NAALADL2: variants seen among roughly 807,000 people sequenced by gnomAD.
NAALADL2 encodes the protein inactive N-acetylated-alpha-linked acidic dipeptidase-like protein 2.
A neutral mutation model predicts 87.2 loss-of-function variants in NAALADL2; 76 were observed. The ratio of observed to expected loss-of-function variants is 0.87; its 90% confidence interval spans 0.72 to 1.05. The LOEUF (loss-of-function observed/expected upper bound fraction) is 1.05. NAALADL2 is among the 50% of genes least tolerant of loss of function. The pLI is 0.00. For synonymous variants in NAALADL2, 354 were observed against 331.0 expected, an observed-to-expected ratio of 1.07 and a Z score of -0.75; for missense variants, 1,089 against 945.8, an observed-to-expected ratio of 1.15 and a Z score of -1.99.
At chr3:174,946,540 A>G (rs1180313374) in intron 1 of NAALADL2, among the ~76,000 whole-genome samples, 1 of 152,176 alleles carries the variant, frequency 6.6e-6, no homozygotes, top group Non-Finnish European at 1.5e-5. Flanking sequence ...GTCACTTAGA[A>G]CAGTGCATGT....
rs564947071 is a variant in NAALADL2, at chr3:175,184,759, C to T, written c.546-49172C>T. On this transcript the variant is annotated intron_variant, in intron 2 of 13. Transcript: ENST00000454872. Reference sequence around the variant, plus strand: ...TAGTTTGAATACTGACTGGCATTTACTAGCTATATTCCCTTAGGCAAGTTA... The same window carrying T: ...TAGTTTGAATACTGACTGGCATTTATTAGCTATATTCCCTTAGGCAAGTTA... Among the ~76,000 whole-genome samples the T allele has an allele frequency of 2.6e-5, 4 of 152,162 alleles. No individual in the cohort carries two copies. In the South Asian group the frequency reaches 8.3e-4, roughly 32 times the overall value.
chr3:174,560,512 A>T (rs1052586902), intron 2 of NAALADL2, among the ~76,000 whole-genome samples: 1 of 152,206 alleles, frequency 6.6e-6, no homozygotes, highest in East Asian at 1.9e-4. Context: ...ATCTTCAGTG[A>T]CTGGAATACA....
In NAALADL2 at chr3:174,466,753, C is replaced by A. The variant is rs930649769; in HGVS notation, c.-184+25721C>A. On this transcript the variant is annotated intron_variant, in intron 1 of 3. Coordinates refer to the NAALADL2 transcript ENST00000434257. ...CTCCTGCCCCATATGAGGACTTTCT[C>A]TTCATTATCAACCTTAACAAACTTC... Among the ~76,000 whole-genome samples the A allele has an allele frequency of 3.3e-5, 5 of 152,140 alleles. No individual in the cohort carries two copies. In the East Asian group the frequency reaches 9.6e-4, roughly 29 times the overall value.
chr3:174,678,347 GT>G (rs1727232206), intron 2 of NAALADL2, among the ~76,000 whole-genome samples: 1 of 152,110 alleles, frequency 6.6e-6, no homozygotes, highest in Non-Finnish European at 1.5e-5. Context: ...AGGTACAACA[GT>G]TATCTAAGGT....
chr3:174,542,217 A>AT (rs926723889), intron 1 of NAALADL2, among the ~76,000 whole-genome samples: 3 of 152,094 alleles, frequency 2.0e-5, no homozygotes, highest in African/African-American at 7.2e-5. Flanking sequence ...TGTTTTCTTC[A>AT]TTTTATCCTG....
intron 1 of NAALADL2, among the ~76,000 whole-genome samples, chr3:174,882,889 A>G (rs947005061): frequency 6.7e-5 from 10 of 149,874 alleles, no homozygotes; most frequent in African/African-American, 2.0e-4. Flanking sequence ...ATGTGTATAT[A>G]TGTATATATA....
At chr3:175,739,008 A>G (rs1009811261) in intron 12 of NAALADL2, among the ~76,000 whole-genome samples, 9 of 152,144 alleles carry the variant, frequency 5.9e-5, no homozygotes, top group African/African-American at 1.9e-4. Flanking sequence ...AGAAAATTCT[A>G]TTGGTATTCC....
At chr3:174,697,647 A>T (rs1216530671) in intron 2 of NAALADL2, among the ~76,000 whole-genome samples, 1 of 152,168 alleles carries the variant, frequency 6.6e-6, no homozygotes, top group Non-Finnish European at 1.5e-5. Flanking sequence ...AGTGTTTATC[A>T]TTTTTAAATT....
chr3:174,950,726 C>T (rs1049803097), intron 1 of NAALADL2, among the ~76,000 whole-genome samples: 1 of 151,986 alleles, frequency 6.6e-6, no homozygotes, highest in South Asian at 2.1e-4. Flanking sequence ...CTATAAAAGG[C>T]TAGTCAAACA....
At chr3:174,884,874 C>G (rs765981522) in intron 1 of NAALADL2, among the ~76,000 whole-genome samples, 4 of 152,188 alleles carry the variant, frequency 2.6e-5, no homozygotes, top group African/African-American at 4.8e-5. Flanking sequence ...TAGTATAGGT[C>G]TAGAGGTAAA....
At chr3:175,400,827 G>A (rs138761803) in intron 5 of NAALADL2, among the ~76,000 whole-genome samples, 38 of 152,158 alleles carry the variant, frequency 2.5e-4, no homozygotes, top group African/African-American at 8.9e-4. Context: ...CCTAGACAAA[G>A]CCTTAGAATG....
At chr3:174,994,253 A>G (rs577788685) in intron 1 of NAALADL2, among the ~76,000 whole-genome samples, 1 of 152,270 alleles carries the variant, frequency 6.6e-6, no homozygotes, top group South Asian at 2.1e-4. Context: ...TGATATTTGT[A>G]AAGACTTGAT....
intron 3 of NAALADL2, among the ~76,000 whole-genome samples, chr3:174,743,669 T>A (rs74818573): frequency 0.074 from 11,242 of 151,880 alleles, 454 homozygotes; most frequent in Middle Eastern, 0.14. Context: ...TTATCCTCAA[T>A]GTATTTCCAA....
At chr3:174,509,072 T>C (rs1215353804) in intron 1 of NAALADL2, among the ~76,000 whole-genome samples, 2 of 151,882 alleles carry the variant, frequency 1.3e-5, no homozygotes, top group East Asian at 3.9e-4. Flanking sequence ...CCTGAAAATA[T>C]ATTTTTTTCC....
At chr3:175,043,472 T>G (rs1398888406) in intron 1 of NAALADL2, among the ~76,000 whole-genome samples, 1 of 152,106 alleles carries the variant, frequency 6.6e-6, no homozygotes, top group Non-Finnish European at 1.5e-5. Context: ...CTCCTGACCT[T>G]GTGATCTGCC....
chr3:175,392,303 A>C (rs115349653), intron 5 of NAALADL2, among the ~76,000 whole-genome samples: 1,535 of 152,328 alleles, frequency 0.01, 24 homozygotes, highest in African/African-American at 0.035. Context: ...TGTGGTCTAC[A>C]AATTTTTTTT....
At chr3:175,782,468 AT>A (rs1751273451) in intron 13 of NAALADL2, among the ~76,000 whole-genome samples, 1 of 113,486 alleles carries the variant, frequency 8.8e-6, no homozygotes, top group African/African-American at 3.9e-5. Flanking sequence ...GATGATGAGC[AT>A]TTTTTCATGT....
In NAALADL2 at chr3:174,820,451, T is replaced by C. The variant is rs143884705; in HGVS notation, c.-9+82705T>C. ...AAAATATAATTTATCAGAATTTCTA[T>C]GTTTATAGTATATACAATTGTAGTG... is the stretch of plus-strand genomic sequence containing the variant. On this transcript the variant is annotated intron_variant, in intron 3 of 3. Transcript: ENST00000434257. Among the ~76,000 whole-genome samples the C allele has an allele frequency of 1.2e-3, 177 of 152,336 alleles. 1 individual carries two copies. Among genetic ancestry groups the C allele is most frequent in the African/African-American group, 4.1e-3 (170 of 41,584 alleles).
chr3:175,005,995 G>A (rs1748966949), intron 1 of NAALADL2, among the ~76,000 whole-genome samples: 1 of 152,234 alleles, frequency 6.6e-6, no homozygotes, highest in African/African-American at 2.4e-5. Flanking sequence ...TATTTACTGT[G>A]GTTACGATGT....
Sources: allele counts gnomAD v4.1 joint callset (sites outside exome capture counted in the v4.1 genomes callset), GRCh38; gene constraint gnomAD v4.1.1; transcripts MANE v1.5; gene names NCBI Gene and HGNC (gene_info 2026-07-23, HGNC 2026-07-21).